PTK2B: variants seen among roughly 807,000 people sequenced by gnomAD.
The protein encoded by PTK2B is protein tyrosine kinase 2 beta, also known as protein-tyrosine kinase 2-beta.
PTK2B carries 71 observed loss-of-function variants against 142.9 expected under a neutral mutation model. The ratio of observed to expected loss-of-function variants is 0.50; its 90% CI spans 0.41 to 0.61. The LOEUF (loss-of-function observed/expected upper bound fraction) is 0.61, where lower values mean the gene tolerates loss of function less well. Ranked by LOEUF, PTK2B falls within the 20% of genes least tolerant of loss-of-function variation. The probability of loss-of-function intolerance (pLI) is 0.00; values close to 1 mark genes in which losing one functional copy is unlikely to be tolerated. For synonymous variants in PTK2B, 519 were observed against 503.4 expected (o/e 1.03, Z -0.42); for missense variants, 1,105 against 1,320.4 (o/e 0.84, Z 2.53).
At chr8:27,345,134 GCC>G (rs1396113533) in intron 1 of PTK2B, among the ~76,000 whole-genome samples, 13 of 152,358 alleles carry the variant, frequency 8.5e-5, no homozygotes, top group African/African-American at 1.7e-4. Context: ...CTGCACTCCA[GCC>G]TGGGAGACAG....
At chr8:27,358,384 G>T (rs779116873) in intron 1 of PTK2B, among the ~76,000 whole-genome samples, 3 of 152,124 alleles carry the variant, frequency 2.0e-5, no homozygotes, top group African/African-American at 2.4e-5. Context: ...ATAAGCTTAT[G>T]ATTGTAACTT....
intron 21 of PTK2B, among the ~76,000 whole-genome samples, chr8:27,441,524 GA>G (rs35770377): frequency 6.6e-6 from 1 of 152,182 alleles, no homozygotes; most frequent in Admixed American, 6.5e-5. Flanking sequence ...AACAGTCCCT[GA>G]AAACTGCCTG....
At chr8:27,365,089 C>G (rs1330965187) in intron 1 of PTK2B, among the ~76,000 whole-genome samples, 2 of 152,216 alleles carry the variant, frequency 1.3e-5, no homozygotes, top group Non-Finnish European at 2.9e-5. Flanking sequence ...GCAAACCTAT[C>G]CAGCCTGGAA....
Position 27,430,007 on chromosome 8 carries a change from G to A in PTK2B, c.552-86G>A, listed in dbSNP as rs562913480. 4.1e-6 allele frequency: 5 copies of A among 1,220,200 alleles called. No homozygotes were observed. The African/African-American group carries it at 7.4e-5, about 18-fold the overall frequency. The allele number at this position is 1,220,200 out of a possible 1,614,324, so 75.6% of individuals were successfully genotyped here. Reference sequence around the variant, plus strand: ...TGATTCCCACGTATGGCAGGGGAAGGGGGCTTCTGGTGGCATGAGGTGCCC... The same window carrying A: ...TGATTCCCACGTATGGCAGGGGAAGAGGGCTTCTGGTGGCATGAGGTGCCC... On this transcript the variant is annotated intron_variant, in intron 5 of 30. Transcript: ENST00000346049.
intron 1 of PTK2B, among the ~76,000 whole-genome samples, chr8:27,378,346 G>A (rs1206925299): frequency 6.6e-6 from 1 of 152,166 alleles, no homozygotes; most frequent in Non-Finnish European, 1.5e-5. Flanking sequence ...CTGCAAATAT[G>A]GAAGTATTTT....
intron 28 of PTK2B, among the ~76,000 whole-genome samples, chr8:27,453,407 A>G (rs1053259949): frequency 6.6e-6 from 1 of 152,148 alleles, no homozygotes; most frequent in Admixed American, 6.5e-5. Context: ...CTTGGAGTAG[A>G]GCTCCCTGGT....
At chr8:27,416,276 C>T (rs1188866738) in intron 2 of PTK2B, among the ~76,000 whole-genome samples, 1 of 152,166 alleles carries the variant, frequency 6.6e-6, no homozygotes, top group Non-Finnish European at 1.5e-5. Flanking sequence ...ACTTCAAGAT[C>T]TCATGTAAAG....
At chr8:27,370,452 C>T (rs1462826782) in intron 1 of PTK2B, among the ~76,000 whole-genome samples, 1 of 152,194 alleles carries the variant, frequency 6.6e-6, no homozygotes, top group African/African-American at 2.4e-5. Context: ...TGTGAAGGCC[C>T]AGGCATATCA....
At chr8:27,316,454 A>C (rs80285155) in intron 3 of PTK2B, among the ~76,000 whole-genome samples, 3 of 152,250 alleles carry the variant, frequency 2.0e-5, no homozygotes, top group East Asian at 1.9e-4. Context: ...ATGGAAGAAG[A>C]TATACCACAC....
At chr8:27,316,412 TTAAATG>T (rs1202928233) in intron 3 of PTK2B, among the ~76,000 whole-genome samples, 1 of 152,090 alleles carries the variant, frequency 6.6e-6, no homozygotes, top group African/African-American at 2.4e-5. Flanking sequence ...GAACTTAACT[TTAAATG>T]TAAGCATACA....
chr8:27,429,960 C>A, intron 5 of PTK2B, 133 bp from the exon 6 acceptor site: 1 of 819,958 alleles, frequency 1.2e-6, no homozygotes, highest in Non-Finnish European at 2.1e-6. Context: ...TTTTATGACT[C>A]TCCTAACTTC....
chr8:27,385,606 A>T (rs1352054935), intron 1 of PTK2B, among the ~76,000 whole-genome samples: 1 of 152,088 alleles, frequency 6.6e-6, no homozygotes, highest in Non-Finnish European at 1.5e-5. Context: ...ATAAAACTGT[A>T]TCAGGGCCGG....
intron 24 of PTK2B, among the ~76,000 whole-genome samples, chr8:27,446,308 G>T (rs368725463): frequency 3.3e-5 from 5 of 152,214 alleles, no homozygotes; most frequent in African/African-American, 1.2e-4. Flanking sequence ...ATGGCTTTGG[G>T]TGTGAAATCT....
chr8:27,439,992 A>G (rs2132226761), intron 20 of PTK2B, among the ~76,000 whole-genome samples: 1 of 152,190 alleles, frequency 6.6e-6, no homozygotes, highest in East Asian at 1.9e-4. Flanking sequence ...CATGACTGCC[A>G]CCTCTTGATC....
chr8:27,322,177 T>G (rs1185646793), upstream of PTK2B, among the ~76,000 whole-genome samples: 2 of 152,202 alleles, frequency 1.3e-5, no homozygotes, highest in African/African-American at 4.8e-5. Context: ...TTATCCATTT[T>G]TTTTGTTAGA....
intron 5 of PTK2B, among the ~76,000 whole-genome samples, chr8:27,423,358 G>C (rs1586290378): frequency 1.3e-5 from 2 of 152,006 alleles, no homozygotes; most frequent in South Asian, 4.1e-4. Flanking sequence ...CCCCTTCTCT[G>C]TCTTAGAGCA....
rs987914619 is a variant in PTK2B at position 27,412,053 on chromosome 8, C to T, written c.205-7842C>T. On this transcript the variant is annotated intron_variant, in intron 2 of 30. Transcript: ENST00000346049. ...CCCAAACAGGAAGGTTTCATATCCT[C>T]ACAAGGCTTTGCCCTCCAGACACAC... is the stretch of plus-strand genomic sequence containing the variant. Among the ~76,000 whole-genome samples the T allele has an allele frequency of 6.6e-5, 10 of 152,330 alleles. 1 individual carries two copies. In the South Asian group the frequency reaches 2.1e-3, roughly 32 times the overall value.
chr8:27,444,326 G>GA (rs1811337705), intron 23 of PTK2B, 55 bp downstream of exon 23: 1 of 1,555,118 alleles, frequency 6.4e-7, no homozygotes, highest in African/African-American at 1.4e-5. Context: ...TCCAGGTCCT[G>GA]AAACTCCATT....
chr8:27,417,692 G>T (rs747413696), intron 2 of PTK2B, among the ~76,000 whole-genome samples: 1 of 152,192 alleles, frequency 6.6e-6, no homozygotes, highest in Non-Finnish European at 1.5e-5. Flanking sequence ...AATTGTTGAG[G>T]CTGGGTGATG....
Sources: gnomAD v4.1 joint callset for allele counts (sites outside exome capture counted in the v4.1 genomes callset) on GRCh38, gnomAD v4.1.1 for gene constraint, MANE v1.5 for transcripts, NCBI Gene and HGNC (gene_info 2026-07-23, HGNC 2026-07-21) for gene names.